KCNMA1: variants seen among roughly 807,000 people sequenced by gnomAD.
The protein encoded by KCNMA1 is Calcium-activated potassium channel subunit alpha-1.
In KCNMA1, 29 loss-of-function variants were observed where a neutral mutation model predicts 140.0. The ratio of observed to expected loss-of-function variants is 0.21; its 90% confidence interval spans 0.15 to 0.28. KCNMA1 has a LOEUF of 0.28. Among genes scored for constraint, KCNMA1 ranks in the 10% least tolerant of loss-of-function variants. The pLI is 1.00. For synonymous variants in KCNMA1, 612 were observed against 611.9 expected (o/e 1.00, Z 0.00); for missense variants, 880 against 1,602.2 (o/e 0.55, Z 7.70).
At chr10:77,390,902 G>A (rs2095798443) in intron 2 of KCNMA1, among the ~76,000 whole-genome samples, 1 of 152,126 alleles carries the variant, frequency 6.6e-6, no homozygotes, top group South Asian at 2.1e-4. Flanking sequence ...CTGCATCTGA[G>A]GGAAGGTGGT....
At chr10:77,002,711 C>T (rs2086897417) in intron 18 of KCNMA1, among the ~76,000 whole-genome samples, 1 of 152,090 alleles carries the variant, frequency 6.6e-6, no homozygotes, top group Non-Finnish European at 1.5e-5. Flanking sequence ...GCCTTTCAAG[C>T]CAATTTATAT....
intron 1 of KCNMA1, among the ~76,000 whole-genome samples, chr10:77,501,090 G>T (rs1413772497): frequency 6.6e-6 from 1 of 152,248 alleles, no homozygotes; most frequent in African/African-American, 2.4e-5. Context: ...ATAGGCTCTG[G>T]AGGGCCAGGG....
At chr10:77,063,225 C>A (rs940133683) in intron 14 of KCNMA1, among the ~76,000 whole-genome samples, 6 of 152,220 alleles carry the variant, frequency 3.9e-5, no homozygotes, top group Middle Eastern at 3.4e-3. Context: ...CCAGCCTGGG[C>A]AACATGGTGA....
intron 23 of KCNMA1, among the ~76,000 whole-genome samples, chr10:76,925,263 C>A (rs577402548): frequency 1.3e-5 from 2 of 152,254 alleles, no homozygotes; most frequent in Non-Finnish European, 2.9e-5. Flanking sequence ...ACAGCTTATG[C>A]TAACCTTTCT....
intron 1 of KCNMA1, among the ~76,000 whole-genome samples, chr10:77,475,675 T>A (rs934960156): frequency 1.3e-5 from 2 of 152,184 alleles, no homozygotes; most frequent in Non-Finnish European, 2.9e-5. Flanking sequence ...TATCTTGTTA[T>A]CACATGGCCT....
chr10:77,616,564 G>T (rs2089583683), intron 1 of KCNMA1, among the ~76,000 whole-genome samples: 1 of 152,204 alleles, frequency 6.6e-6, no homozygotes, highest in Admixed American at 6.5e-5. Flanking sequence ...CCAGCACTTT[G>T]GGAGGCTGAG....
At chr10:77,385,609 G>A (rs925543863) in intron 2 of KCNMA1, among the ~76,000 whole-genome samples, 5 of 152,316 alleles carry the variant, frequency 3.3e-5, no homozygotes, top group East Asian at 3.9e-4. Context: ...ACATTCACAA[G>A]TGTATGCGAA....
At chr10:77,126,205 A>T (rs2097729169) in intron 5 of KCNMA1, among the ~76,000 whole-genome samples, 1 of 152,200 alleles carries the variant, frequency 6.6e-6, no homozygotes, top group African/African-American at 2.4e-5. Context: ...TAGAGTTGTG[A>T]AGAAGAAAAT....
At chr10:77,182,995 T>C (rs1049781146) in intron 5 of KCNMA1, among the ~76,000 whole-genome samples, 11 of 152,172 alleles carry the variant, frequency 7.2e-5, no homozygotes, top group Non-Finnish European at 8.8e-5. Context: ...AAATAGACCA[T>C]GCAGAACCCA....
At chr10:77,307,704 G>T (rs942534743) in intron 2 of KCNMA1, among the ~76,000 whole-genome samples, 1 of 152,012 alleles carries the variant, frequency 6.6e-6, no homozygotes, top group Admixed American at 6.6e-5. Context: ...GCACCACCAC[G>T]CCCAGCTAAT....
intron 5 of KCNMA1, among the ~76,000 whole-genome samples, chr10:77,180,320 G>T (rs967384339): frequency 6.6e-6 from 1 of 152,154 alleles, no homozygotes; most frequent in Non-Finnish European, 1.5e-5. Flanking sequence ...TGGTACAATG[G>T]TTGTTTCACA....
chr10:76,952,168 A>G lies in KCNMA1; in HGVS notation c.2484+1633T>C, dbSNP rs543399894. 2.6e-6 allele frequency: 4 copies of G among 1,551,332 alleles called. No homozygotes were observed. In the East Asian group the frequency reaches 9.8e-5, roughly 38 times the overall value. On this transcript the variant is annotated intron_variant, in intron 21 of 27. Coordinates refer to ENST00000286628, the MANE Select transcript of KCNMA1 (RefSeq NM_001161352.2). Reference sequence around the variant, plus strand: ...GGCATCCAGCCTGTGACCTGCCACAAGTGGTAACATCAGGCTAAATTTAGG... The same window carrying G: ...GGCATCCAGCCTGTGACCTGCCACAGGTGGTAACATCAGGCTAAATTTAGG...
rs527563749 is a variant in KCNMA1 at position 77,197,767 on chromosome 10, C to T, written c.603-12851G>A. On this transcript the variant is annotated intron_variant, in intron 3 of 27. Coordinates refer to ENST00000286628, the MANE Select transcript of KCNMA1 (RefSeq NM_001161352.2). ...TGCATCATGCAAATGAAAACCACAG[C>T]TTGGCCTTAGCTGCCATGCAGAAAG... Among the ~76,000 whole-genome samples the T allele has an allele frequency of 1.2e-4, 19 of 152,298 alleles. No individual in the cohort carries two copies. The South Asian group carries it at 3.9e-3, about 32-fold the overall frequency.
chr10:77,117,367 G>A (rs1020859755), intron 6 of KCNMA1, among the ~76,000 whole-genome samples: 1 of 151,554 alleles, frequency 6.6e-6, no homozygotes, highest in African/African-American at 2.4e-5. Context: ...TGGCCAACAC[G>A]GTGAAACCCT....
chr10:77,389,599 G>A (rs2095740777), intron 2 of KCNMA1, among the ~76,000 whole-genome samples: 1 of 152,142 alleles, frequency 6.6e-6, no homozygotes. Flanking sequence ...TACCAACTAG[G>A]AACAACATCC....
At chr10:77,000,380 C>T (rs1456844327) in intron 19 of KCNMA1, among the ~76,000 whole-genome samples, 2 of 152,196 alleles carry the variant, frequency 1.3e-5, no homozygotes, top group Admixed American at 6.5e-5. Context: ...GGGTCTCAAA[C>T]TGGAGCTTTC....
At chr10:77,386,295 C>G (rs935151346) in intron 2 of KCNMA1, among the ~76,000 whole-genome samples, 1 of 152,212 alleles carries the variant, frequency 6.6e-6, no homozygotes, top group African/African-American at 2.4e-5. Flanking sequence ...CCAAGTACAA[C>G]GAACCATAGT....
At chr10:77,003,578 G>C (rs1008647793) in intron 18 of KCNMA1, among the ~76,000 whole-genome samples, 3 of 152,146 alleles carry the variant, frequency 2.0e-5, no homozygotes, top group Non-Finnish European at 2.9e-5. Flanking sequence ...GGGAAACAAG[G>C]ATGATTTTTT....
chr10:77,543,070 T>G (rs1240231219), intron 1 of KCNMA1, among the ~76,000 whole-genome samples: 1 of 125,546 alleles, frequency 8.0e-6, no homozygotes, highest in Non-Finnish European at 1.7e-5. Context: ...TCTCTCTCTT[T>G]CTCTCACAGA....
Sources: gnomAD v4.1 joint callset for allele counts (sites outside exome capture counted in the v4.1 genomes callset) on GRCh38, gnomAD v4.1.1 for gene constraint, MANE v1.5 for transcripts, NCBI Gene and HGNC (gene_info 2026-07-23, HGNC 2026-07-21) for gene names.